Variants in MARCHF8 observed in about 807,000 individuals in gnomAD.
The protein encoded by MARCHF8 is E3 ubiquitin-protein ligase MARCHF8.
Under a neutral mutation model 51.6 loss-of-function variants are expected in MARCHF8, and 40 were observed. That is an observed-to-expected ratio of 0.77 (90% CI 0.60 to 1.01). MARCHF8 has a LOEUF of 1.01. Among genes scored for constraint, MARCHF8 ranks in the 50% least tolerant of loss-of-function variants. MARCHF8 has a pLI of 0.00. For missense variants in MARCHF8, 685 were observed against 708.6 expected, an observed-to-expected ratio of 0.97 and a Z score of 0.38; for synonymous variants, 263 against 280.3, an observed-to-expected ratio of 0.94 and a Z score of 0.62.
intron 1 of MARCHF8, among the ~76,000 whole-genome samples, chr10:45,547,225 G>C (rs762724880): frequency 1.3e-5 from 2 of 152,146 alleles, no homozygotes; most frequent in Non-Finnish European, 2.9e-5. Context: ...TAAAAATACT[G>C]CCTGTCAATA....
chr10:45,592,528 G>A (rs1282705050), intron 1 of MARCHF8, among the ~76,000 whole-genome samples: 1 of 152,156 alleles, frequency 6.6e-6, no homozygotes, highest in Non-Finnish European at 1.5e-5. Context: ...AGAAATTTCA[G>A]CAATATTTTT....
intron 3 of MARCHF8, among the ~76,000 whole-genome samples, chr10:45,480,598 C>G (rs1320794332): frequency 6.6e-6 from 1 of 152,214 alleles, no homozygotes; most frequent in Non-Finnish European, 1.5e-5. Flanking sequence ...GGGTATAGTT[C>G]AGGTCATGGC....
intron 3 of MARCHF8, among the ~76,000 whole-genome samples, chr10:45,488,492 AT>A (rs1430039109): frequency 6.6e-6 from 1 of 150,922 alleles, no homozygotes; most frequent in Non-Finnish European, 1.5e-5. Context: ...CCGAAGACCC[AT>A]GGGACGTGAC....
rs536184255 is a variant in MARCHF8, at chr10:45,583,404, T to C, written c.-79+10831A>G. Among the ~76,000 whole-genome samples, 17 of 152,226 alleles carry C rather than the reference T, an allele frequency of 1.1e-4. No homozygotes were observed. In the East Asian group the frequency reaches 2.9e-3, roughly 26 times the overall value. ...ATACACCCATAAATGTTCAAAGATATATATATGAGAATGATCACTGTGACA... is the reference window on the plus strand; with the variant it reads ...ATACACCCATAAATGTTCAAAGATACATATATGAGAATGATCACTGTGACA... On this transcript the variant is annotated intron_variant, in intron 1 of 6. Transcript: ENST00000319836.
chr10:45,593,618 G>A (rs2044705285), intron 1 of MARCHF8: 1 of 152,054 alleles, frequency 6.6e-6, no homozygotes, highest in African/African-American at 2.4e-5. Context: ...ATTCTGTATC[G>A]GAGCAACTAA....
intron 2 of MARCHF8, among the ~76,000 whole-genome samples, chr10:45,529,491 A>C: frequency 6.6e-6 from 1 of 152,200 alleles, no homozygotes; most frequent in Non-Finnish European, 1.5e-5. Flanking sequence ...TTAAAATAAA[A>C]AGCTTCTACA....
intron 1 of MARCHF8, among the ~76,000 whole-genome samples, chr10:45,589,471 CACAG>C (rs1461722482): frequency 6.6e-6 from 1 of 152,156 alleles, no homozygotes; most frequent in African/African-American, 2.4e-5. Context: ...TTAGCAAATG[CACAG>C]AACTGTACAA....
Position 45,529,884 on chromosome 10 carries a change from C to G in MARCHF8, c.102+3226G>C, listed in dbSNP as rs138351094. ...GCTGCTATGGAAAACAATATGGAGA[C>G]TTCTCAAAGAACTAATAGAAATACC... On this transcript the variant is annotated intron_variant, in intron 2 of 7. Transcript: ENST00000453424. 1.9e-4 allele frequency among the ~76,000 whole-genome samples: 29 copies of G among 152,270 alleles called. No individual in the cohort carries two copies. In the East Asian group the frequency reaches 5.2e-3, roughly 27 times the overall value.
At chr10:45,477,851 TTCA>T (rs1020684874) in intron 3 of MARCHF8, among the ~76,000 whole-genome samples, 4 of 152,188 alleles carry the variant, frequency 2.6e-5, no homozygotes, top group Admixed American at 1.3e-4. Context: ...AAGGGATTAA[TTCA>T]TCAAGAGGCT....
At chr10:45,573,712 G>A (rs2044457796) in intron 1 of MARCHF8, among the ~76,000 whole-genome samples, 1 of 152,132 alleles carries the variant, frequency 6.6e-6, no homozygotes. Flanking sequence ...AAGCCTCCTG[G>A]ACCATCACAG....
chr10:45,522,309 G>A (rs921572395), intron 2 of MARCHF8, among the ~76,000 whole-genome samples: 1 of 152,144 alleles, frequency 6.6e-6, no homozygotes, highest in Non-Finnish European at 1.5e-5. Flanking sequence ...ATCTGGGAGT[G>A]GACACACTGT....
intron 2 of MARCHF8, among the ~76,000 whole-genome samples, chr10:45,524,542 G>A (rs1225588879): frequency 6.6e-6 from 1 of 152,222 alleles, no homozygotes; most frequent in East Asian, 1.9e-4. Context: ...AGATGGTGAT[G>A]CCTAACCAGA....
intron 1 of MARCHF8, among the ~76,000 whole-genome samples, chr10:45,573,601 T>C (rs1325452069): frequency 6.6e-6 from 1 of 152,142 alleles, no homozygotes; most frequent in Non-Finnish European, 1.5e-5. Flanking sequence ...CAGCAGCCAC[T>C]CCCAGAGCCC....
intron 3 of MARCHF8, among the ~76,000 whole-genome samples, chr10:45,465,448 TC>T (rs1842937376): frequency 1.3e-5 from 2 of 152,186 alleles, no homozygotes; most frequent in African/African-American, 2.4e-5. Flanking sequence ...TGAGGCCTAG[TC>T]CCCACTCTTT....
intron 1 of MARCHF8, among the ~76,000 whole-genome samples, chr10:45,573,945 T>G (rs1189110041): frequency 2.0e-5 from 3 of 152,172 alleles, no homozygotes; most frequent in Non-Finnish European, 4.4e-5. Context: ...TATCCCCACC[T>G]GCCCAGCTCC....
rs1485546046 is a variant in MARCHF8, at chr10:45,456,100, C to T, written c.*2139G>A. On this transcript the variant is annotated 3_prime_UTR_variant, in exon 8 of 8. Coordinates refer to ENST00000453424, the MANE Select transcript of MARCHF8 (RefSeq NM_001282866.2). ...TCTATCCTGGTCTTCACCTGAAACA[C>T]TCATCTACTGCTGGGTGGCAGGAAC... 6.6e-6 allele frequency: 1 copy of T among 152,304 alleles called. No homozygotes were observed. Among genetic ancestry groups the T allele is most frequent in the African/African-American group, 2.4e-5 (1 of 41,466 alleles). 9.4% of individuals were successfully genotyped at this position (152,304 alleles called of 1,614,324 possible).
chr10:45,582,264 G>T (rs569207941), intron 1 of MARCHF8, among the ~76,000 whole-genome samples: 1 of 152,302 alleles, frequency 6.6e-6, no homozygotes, highest in South Asian at 2.1e-4. Context: ...GGAATTAACT[G>T]TTAGGAGTGT....
chr10:45,499,417 G>A (rs888713955), intron 2 of MARCHF8, among the ~76,000 whole-genome samples: 6 of 152,012 alleles, frequency 3.9e-5, no homozygotes, highest in Non-Finnish European at 5.9e-5. Flanking sequence ...TTCCTTTGAT[G>A]CCCAGAAGTT....
upstream of MARCHF8, among the ~76,000 whole-genome samples, chr10:45,536,071 T>C (rs1379601177): frequency 6.6e-6 from 1 of 152,192 alleles, no homozygotes; most frequent in East Asian, 1.9e-4. Context: ...TGAAAATTTA[T>C]ATAAAATTCA....
Sources: allele counts gnomAD v4.1 joint callset (sites outside exome capture counted in the v4.1 genomes callset), GRCh38; gene constraint gnomAD v4.1.1; transcripts MANE v1.5; gene names NCBI Gene and HGNC (gene_info 2026-07-23, HGNC 2026-07-21).